The following GRIK3 variants were observed in gnomAD, a reference collection of about 807,000 sequenced individuals.
GRIK3 encodes glutamate receptor ionotropic, kainate 3.
A neutral mutation model predicts 102.5 loss-of-function variants in GRIK3; 29 were observed. That is an observed-to-expected ratio of 0.28 (90% CI 0.21 to 0.39). The LOEUF (loss-of-function observed/expected upper bound fraction) is 0.39, where lower values mean the gene tolerates loss of function less well. Ranked by LOEUF, GRIK3 falls within the 10% of genes least tolerant of loss-of-function variation. GRIK3 has a pLI of 1.00. For missense variants in GRIK3, 908 were observed against 1,252.4 expected (o/e 0.73, Z 4.15); for synonymous variants, 511 against 504.9 (o/e 1.01, Z -0.16).
At chr1:36,879,947 C>T (rs1184169911) in intron 3 of GRIK3, among the ~76,000 whole-genome samples, 6 of 151,986 alleles carry the variant, frequency 3.9e-5, no homozygotes, top group Non-Finnish European at 8.8e-5. Flanking sequence ...GGTGTGTGTG[C>T]GAGCAGAGCT....
chr1:36,932,971 T>G (rs1469302018), intron 1 of GRIK3, among the ~76,000 whole-genome samples: 1 of 152,218 alleles, frequency 6.6e-6, no homozygotes, highest in African/African-American at 2.4e-5. Context: ...AACCAAAACA[T>G]GCCGAATAAC....
intron 1 of GRIK3, among the ~76,000 whole-genome samples, chr1:36,994,012 A>C (rs1430246158): frequency 1.3e-5 from 2 of 152,152 alleles, no homozygotes; most frequent in African/African-American, 2.4e-5. Flanking sequence ...CCAGAAGCCC[A>C]CCACAACCAC....
rs756067463 is a variant in GRIK3, at chr1:36,841,725, T to C, written c.1530+11A>G. ...GGTCCTGAGCCCTCCCATGCTCCCA[T>C]CCATGCTTACGTGGTCGATGAGCTC... is the stretch of plus-strand genomic sequence containing the variant. On this transcript the variant is annotated intron_variant, in intron 10 of 15. Transcript: ENST00000373091. 2.5e-6 allele frequency: 4 copies of C among 1,609,572 alleles called. No homozygotes were observed. The South Asian group carries it at 4.4e-5, about 18-fold the overall frequency.
chr1:36,887,959 G>A (rs1429764969), intron 2 of GRIK3, among the ~76,000 whole-genome samples: 2 of 151,966 alleles, frequency 1.3e-5, no homozygotes, highest in Admixed American at 1.3e-4. Context: ...ATAGCTGTGG[G>A]GAGTTCAGAC....
At chr1:37,022,477 C>G (rs1642725221) in intron 1 of GRIK3, among the ~76,000 whole-genome samples, 1 of 152,178 alleles carries the variant, frequency 6.6e-6, no homozygotes, top group African/African-American at 2.4e-5. Flanking sequence ...ATGATAGGAA[C>G]AAGACAATGA....
chr1:37,023,621 C>T (rs1642737755), intron 1 of GRIK3, among the ~76,000 whole-genome samples: 2 of 152,154 alleles, frequency 1.3e-5, no homozygotes, highest in African/African-American at 4.8e-5. Flanking sequence ...TGCTCATTTT[C>T]TTTTTAATGT....
chr1:36,963,547 G>A (rs531082279), intron 1 of GRIK3, among the ~76,000 whole-genome samples: 18 of 152,234 alleles, frequency 1.2e-4, no homozygotes, highest in African/African-American at 4.1e-4. Context: ...GCCATTACTC[G>A]CTCCCTTTGA....
intron 1 of GRIK3, among the ~76,000 whole-genome samples, chr1:36,904,025 G>A (rs1641258514): frequency 6.6e-6 from 1 of 152,166 alleles, no homozygotes. Flanking sequence ...TACCTCTCTG[G>A]TGGCAGATGT....
intron 1 of GRIK3, among the ~76,000 whole-genome samples, chr1:36,927,447 G>A (rs764677698): frequency 6.6e-6 from 1 of 151,848 alleles, no homozygotes; most frequent in Non-Finnish European, 1.5e-5. Flanking sequence ...CTTTTTTGCC[G>A]GATGTGATGA....
intron 1 of GRIK3, among the ~76,000 whole-genome samples, chr1:36,895,404 AC>A (rs1390977070): frequency 6.6e-6 from 1 of 152,160 alleles, no homozygotes; most frequent in African/African-American, 2.4e-5. Flanking sequence ...GCATGCAAGA[AC>A]AGATAGGCAA....
intron 10 of GRIK3, among the ~76,000 whole-genome samples, chr1:36,828,020 G>A (rs899821419): frequency 6.6e-5 from 10 of 151,096 alleles, no homozygotes; most frequent in East Asian, 2.0e-4. Flanking sequence ...GCAAGCTGCC[G>A]CCACCCCAGC....
chr1:36,814,458 C>T (rs1054986010), intron 13 of GRIK3, among the ~76,000 whole-genome samples: 3 of 151,062 alleles, frequency 2.0e-5, no homozygotes, highest in African/African-American at 7.3e-5. Flanking sequence ...TACACACACA[C>T]ACCCAGAGAC....
chr1:36,948,084 T>G (rs1000394314), intron 1 of GRIK3, among the ~76,000 whole-genome samples: 2 of 152,176 alleles, frequency 1.3e-5, no homozygotes, highest in African/African-American at 2.4e-5. Context: ...GTTCTTTAAA[T>G]AAGAATAAAA....
At chr1:36,918,033 T>C (rs1641421648) in intron 1 of GRIK3, among the ~76,000 whole-genome samples, 1 of 152,230 alleles carries the variant, frequency 6.6e-6, no homozygotes, top group Non-Finnish European at 1.5e-5. Flanking sequence ...TCAGCAGCCA[T>C]GGAGAAGAGA....
intron 1 of GRIK3, among the ~76,000 whole-genome samples, chr1:36,923,560 A>T (rs1217570219): frequency 6.6e-6 from 1 of 152,210 alleles, no homozygotes; most frequent in Non-Finnish European, 1.5e-5. Flanking sequence ...GGATCATGGA[A>T]TGCTGGCCCT....
intron 1 of GRIK3, among the ~76,000 whole-genome samples, chr1:36,909,590 T>C: frequency 6.6e-6 from 1 of 152,282 alleles, no homozygotes; most frequent in East Asian, 1.9e-4. Flanking sequence ...TGTGAGCCAC[T>C]GCGCCCGGCC....
chr1:36,804,996 C>T lies in GRIK3; in HGVS notation c.2556G>A (p.Glu852=), dbSNP rs371818294. Residue 852 remains glutamate, a synonymous_variant, in exon 15 of 16, where the codon GAG becomes GAA. Transcript: ENST00000373091. ...EFVYKLRKTA[E]REQRSFCSTV... is the part of the protein sequence containing the mutation. ...AAGCTCTAAGGCTTACCTGCTCTCT[C>T]TCTGCTGTTTTGCGGAGCTTGTACA... 1 of 1,614,184 alleles carries T rather than the reference C, an allele frequency of 6.2e-7. No homozygotes were observed.
rs754380047 is a variant in GRIK3 at position 37,015,878 on chromosome 1, G to A, written c.115+18116C>T. Among the ~76,000 whole-genome samples the A allele has an allele frequency of 1.1e-4, 16 of 152,250 alleles. 1 individual carries two copies. Among genetic ancestry groups the A allele is most frequent in the Admixed American group, 1.0e-3 (16 of 15,288 alleles). On this transcript the variant is annotated intron_variant, in intron 1 of 15. Coordinates refer to ENST00000373091, the MANE Select transcript of GRIK3 (RefSeq NM_000831.4). ...GGCCACTGCGAGGACTACAGGGAGC[G>A]AACAAGGACAGAGGTTGTTAAAATG...
intron 9 of GRIK3, among the ~76,000 whole-genome samples, chr1:36,847,005 C>T (rs1640527094): frequency 6.6e-6 from 1 of 152,260 alleles, no homozygotes; most frequent in Non-Finnish European, 1.5e-5. Flanking sequence ...GCTTCTCTCA[C>T]TGCCCCATAG....
Sources: gnomAD v4.1 joint callset for allele counts (sites outside exome capture counted in the v4.1 genomes callset) on GRCh38, gnomAD v4.1.1 for gene constraint, MANE v1.5 for transcripts, NCBI Gene and HGNC (gene_info 2026-07-23, HGNC 2026-07-21) for gene names.